The following FAM120B variants were observed in gnomAD, a reference collection of about 807,000 sequenced individuals.
FAM120B encodes constitutive coactivator of peroxisome proliferator-activated receptor gamma.
Under a neutral mutation model 96.3 loss-of-function variants are expected in FAM120B, and 83 were observed. The ratio of observed to expected loss-of-function variants is 0.86; its 90% confidence interval spans 0.72 to 1.03. The LOEUF (loss-of-function observed/expected upper bound fraction) is 1.03. FAM120B is among the 50% of genes least tolerant of loss of function. FAM120B has a pLI of 0.00. For synonymous variants in FAM120B, 407 were observed against 402.7 expected, an observed-to-expected ratio of 1.01 and a Z score of -0.13; for missense variants, 1,027 against 1,121.2, an observed-to-expected ratio of 0.92 and a Z score of 1.20.
At chr6:170,396,067 AAAT>A (rs1322024075) in intron 9 of FAM120B, among the ~76,000 whole-genome samples, 5 of 152,236 alleles carry the variant, frequency 3.3e-5, no homozygotes, top group African/African-American at 9.6e-5. Context: ...TGCTGAATTT[AAAT>A]ACATCGAGAA....
rs201653158 is a variant in FAM120B, at chr6:170,398,978, G to A, written c.2692+3399G>A. Among the ~76,000 whole-genome samples the A allele has an allele frequency of 7.9e-3, 1,148 of 145,006 alleles. No individual in the cohort carries two copies. In the East Asian group the frequency reaches 0.21, roughly 26 times the overall value. On this transcript the variant is annotated intron_variant, in intron 9 of 10. Transcript: ENST00000476287. Reference sequence around the variant, plus strand: ...ATGTCATAACTCTTAGGAGTGAGTGGGAAAGGTAGAACTATGTCATAACTC... The same window carrying A: ...ATGTCATAACTCTTAGGAGTGAGTGAGAAAGGTAGAACTATGTCATAACTC...
upstream of FAM120B, among the ~76,000 whole-genome samples, chr6:170,294,848 A>G (rs1388603480): frequency 6.6e-6 from 1 of 152,190 alleles, no homozygotes; most frequent in Non-Finnish European, 1.5e-5. The surrounding 1 kb of genome is among the most constrained non-coding windows in gnomAD (Gnocchi z 7.9). Flanking sequence ...AGACCAACTG[A>G]ATACTGTATA....
intron 6 of FAM120B, among the ~76,000 whole-genome samples, chr6:170,385,375 AAAG>A (rs1406349206): frequency 8.5e-5 from 13 of 152,260 alleles, no homozygotes; most frequent in Admixed American, 7.9e-4. Flanking sequence ...ACTTTAAAAA[AAAG>A]GCTGAAAATC....
intron 8 of FAM120B, among the ~76,000 whole-genome samples, chr6:170,393,940 C>T (rs1790599642): frequency 6.6e-6 from 1 of 152,214 alleles, no homozygotes; most frequent in Non-Finnish European, 1.5e-5. Context: ...CCTCTGGACC[C>T]AAGCTGACAG....
chr6:170,333,311 G>A (rs1010443968), intron 4 of FAM120B, among the ~76,000 whole-genome samples: 1 of 152,100 alleles, frequency 6.6e-6, no homozygotes, highest in Non-Finnish European at 1.5e-5. Flanking sequence ...AGGTGCCAAT[G>A]TGCCATCTGT....
At chr6:170,369,425 G>C (rs1342228134) in intron 6 of FAM120B, among the ~76,000 whole-genome samples, 2 of 152,194 alleles carry the variant, frequency 1.3e-5, no homozygotes, top group African/African-American at 4.8e-5. Flanking sequence ...ATTGTAGTAG[G>C]TGTCTCCTGC....
intron 9 of FAM120B, among the ~76,000 whole-genome samples, chr6:170,400,080 G>A (rs528191498): frequency 9.9e-5 from 15 of 151,222 alleles, no homozygotes; most frequent in African/African-American, 3.4e-4. Context: ...GTAGAACTAT[G>A]TCATAAGCCT....
intron 1 of FAM120B, among the ~76,000 whole-genome samples, chr6:170,315,500 A>C (rs1035243341): frequency 1.3e-5 from 2 of 152,174 alleles, no homozygotes; most frequent in African/African-American, 4.8e-5. Context: ...TAATCACACT[A>C]TGAAGCCCAG....
At chr6:170,293,158 G>A (rs916279343), upstream of FAM120B, among the ~76,000 whole-genome samples, 5 of 152,144 alleles carry the variant, frequency 3.3e-5, no homozygotes, top group East Asian at 1.9e-4. Context: ...AGGCACAGGA[G>A]CTGTTCCCTG....
At chr6:170,375,999 C>T (rs1489992401) in intron 6 of FAM120B, among the ~76,000 whole-genome samples, 1 of 152,146 alleles carries the variant, frequency 6.6e-6, no homozygotes, top group African/African-American at 2.4e-5. Context: ...CCAGAGAATT[C>T]AGTGAGGAGC....
At chr6:170,354,997 A>G (rs1216666764) in intron 5 of FAM120B, among the ~76,000 whole-genome samples, 2 of 152,208 alleles carry the variant, frequency 1.3e-5, no homozygotes, top group African/African-American at 4.8e-5. Flanking sequence ...ATTGATCACT[A>G]GAGAAATGCA....
intron 6 of FAM120B, among the ~76,000 whole-genome samples, chr6:170,377,836 G>A (rs1230172303): frequency 1.4e-5 from 2 of 146,368 alleles, no homozygotes; most frequent in East Asian, 2.0e-4. Context: ...CTGTGCACAC[G>A]CGTCCCTAAT....
intron 8 of FAM120B, among the ~76,000 whole-genome samples, chr6:170,391,375 A>G (rs1263116450): frequency 6.6e-6 from 1 of 152,158 alleles, no homozygotes; most frequent in African/African-American, 2.4e-5. Flanking sequence ...TCTCTACTAA[A>G]AATACAAAAA....
chr6:170,326,271 A>ATG (rs1453857573), intron 3 of FAM120B, among the ~76,000 whole-genome samples: 2 of 152,162 alleles, frequency 1.3e-5, no homozygotes, highest in East Asian at 3.9e-4. Context: ...GCATGCATTT[A>ATG]TGTGTGTGGG....
chr6:170,397,729 A>G (rs1320029306), intron 9 of FAM120B, among the ~76,000 whole-genome samples: 5 of 152,180 alleles, frequency 3.3e-5, no homozygotes, highest in African/African-American at 7.2e-5. Flanking sequence ...AGCCTCATCC[A>G]TCCACACCTT....
At chr6:170,357,910 G>A (rs771358671) in intron 5 of FAM120B, among the ~76,000 whole-genome samples, 4 of 152,216 alleles carry the variant, frequency 2.6e-5, no homozygotes, top group Non-Finnish European at 5.9e-5. Flanking sequence ...CCTGCATACT[G>A]TCTGCTGCCT....
rs182530721 is a variant in FAM120B at position 170,402,001 on chromosome 6, C to T, written c.2693-2549C>T. On this transcript the variant is annotated intron_variant, in intron 9 of 10. Transcript: ENST00000476287. Reference sequence around the variant, plus strand: ...CTCTTCCCCGAACATGCCATCCTCCCTCAGGACTCCCTGCGCCCTGGGCTC... The same window carrying T: ...CTCTTCCCCGAACATGCCATCCTCCTTCAGGACTCCCTGCGCCCTGGGCTC... 1.5e-3 allele frequency among the ~76,000 whole-genome samples: 234 copies of T among 152,358 alleles called. 2 individuals carry two copies. The highest frequency in any genetic ancestry group is 0.01 in the Admixed American group (157 of 15,310).
intron 9 of FAM120B, among the ~76,000 whole-genome samples, chr6:170,403,465 C>G (rs140229754): frequency 6.6e-6 from 1 of 152,260 alleles, no homozygotes; most frequent in East Asian, 1.9e-4. Flanking sequence ...AGTAAAAAAA[C>G]TAAAAATGCC....
intron 2 of FAM120B, 96 bp downstream of exon 2, chr6:170,319,220 C>A: frequency 8.1e-7 from 1 of 1,233,454 alleles, no homozygotes; most frequent in Non-Finnish European, 1.1e-6. Flanking sequence ...TGTTTGGCCA[C>A]TGAGAGGATG....
Sources: gnomAD v4.1 joint callset for allele counts (sites outside exome capture counted in the v4.1 genomes callset) on GRCh38, gnomAD v4.1.1 for gene constraint, Gnocchi (gnomAD v3.1) non-coding constraint, MANE v1.5 for transcripts, NCBI Gene and HGNC (gene_info 2026-07-23, HGNC 2026-07-21) for gene names.